THSD4: variants seen among roughly 807,000 people sequenced by gnomAD.
The protein encoded by THSD4 is thrombospondin type-1 domain-containing protein 4.
Under a neutral mutation model 119.0 loss-of-function variants are expected in THSD4, and 69 were observed. The observed-to-expected ratio is 0.58, with a 90% CI of 0.48 to 0.71. The LOEUF (loss-of-function observed/expected upper bound fraction) is 0.71, where lower values mean the gene tolerates loss of function less well. Among genes scored for constraint, THSD4 ranks in the 30% least tolerant of loss-of-function variants. The probability of loss-of-function intolerance (pLI) is 0.00; values close to 1 mark genes in which losing one functional copy is unlikely to be tolerated. For missense variants in THSD4, 1,393 were observed against 1,391.1 expected (o/e 1.00, Z -0.02); for synonymous variants, 524 against 540.4 (o/e 0.97, Z 0.42).
chr15:71,308,937 T>C (rs2045072354), intron 6 of THSD4, among the ~76,000 whole-genome samples: 1 of 152,158 alleles, frequency 6.6e-6, no homozygotes, highest in African/African-American at 2.4e-5. Context: ...GTCATCCTAG[T>C]GGGGAGTGAA....
chr15:71,643,762 G>T (rs1370948284), intron 7 of THSD4, among the ~76,000 whole-genome samples: 1 of 152,168 alleles, frequency 6.6e-6, no homozygotes, highest in East Asian at 1.9e-4. Flanking sequence ...TATGGAAAAT[G>T]ATTTGGATGC....
At chr15:71,112,013 G>T (rs1472918225), upstream of THSD4, 3 of 1,242,252 alleles carry the variant, frequency 2.4e-6, no homozygotes, top group Non-Finnish European at 3.3e-6. Context: ...CCCCCCAAAG[G>T]GTCCAGCTGT....
At chr15:71,715,546 T>C (rs1002461933) in intron 8 of THSD4, among the ~76,000 whole-genome samples, 3 of 152,226 alleles carry the variant, frequency 2.0e-5, no homozygotes, top group Non-Finnish European at 4.4e-5. Flanking sequence ...TTTATATTTT[T>C]TTTAATGAGA....
chr15:71,765,735 C>G (rs1595930439), intron 16 of THSD4, among the ~76,000 whole-genome samples: 1 of 152,120 alleles, frequency 6.6e-6, no homozygotes, highest in East Asian at 1.9e-4. Flanking sequence ...GAACCCATCT[C>G]TGAAAAACAT....
intron 6 of THSD4, among the ~76,000 whole-genome samples, chr15:71,397,323 T>C (rs1015667057): frequency 1.3e-5 from 2 of 152,212 alleles, no homozygotes; most frequent in African/African-American, 4.8e-5. Flanking sequence ...ATACCTGTCT[T>C]CCCCATGAAA....
intron 6 of THSD4, among the ~76,000 whole-genome samples, chr15:71,360,135 G>A (rs956372421): frequency 3.9e-5 from 6 of 152,170 alleles, no homozygotes; most frequent in Non-Finnish European, 5.9e-5. Context: ...TATCTGGCAC[G>A]TGGGGAAGAG....
intron 8 of THSD4, among the ~76,000 whole-genome samples, chr15:71,715,808 C>T (rs552667027): frequency 2.0e-5 from 3 of 149,578 alleles, no homozygotes; most frequent in Non-Finnish European, 3.0e-5. Flanking sequence ...TAGGATAGGT[C>T]TATTTAACAC....
chr15:71,580,223 A>C (rs2049532701), intron 7 of THSD4, among the ~76,000 whole-genome samples: 1 of 152,094 alleles, frequency 6.6e-6, no homozygotes, highest in African/African-American at 2.4e-5. Context: ...AGAGATATGG[A>C]GAGATGTAGG....
intron 6 of THSD4, among the ~76,000 whole-genome samples, chr15:71,369,640 T>C (rs2046015624): frequency 6.6e-6 from 1 of 152,200 alleles, no homozygotes; most frequent in African/African-American, 2.4e-5. Flanking sequence ...GCCCACTTGA[T>C]CATGGTGGAT....
At chr15:71,452,649 C>T (rs1348160376) in intron 7 of THSD4, among the ~76,000 whole-genome samples, 1 of 151,702 alleles carries the variant, frequency 6.6e-6, no homozygotes, top group Non-Finnish European at 1.5e-5. Flanking sequence ...GAGTTTTGCT[C>T]TTGTCGCTCA....
At chr15:71,248,081 A>G (rs1027286809) in intron 5 of THSD4, among the ~76,000 whole-genome samples, 19 of 152,162 alleles carry the variant, frequency 1.2e-4, no homozygotes, top group African/African-American at 4.6e-4. Context: ...GGAGTTCAAG[A>G]CCAGCCTGGG....
intron 6 of THSD4, among the ~76,000 whole-genome samples, chr15:71,307,042 T>G (rs757536098): frequency 6.6e-6 from 1 of 152,206 alleles, no homozygotes; most frequent in African/African-American, 2.4e-5. Context: ...CCTCAAGCCA[T>G]ACTCTTGGGG....
chr15:71,239,549 T>A (rs1398875148), intron 4 of THSD4, among the ~76,000 whole-genome samples: 4 of 152,202 alleles, frequency 2.6e-5, no homozygotes, highest in Non-Finnish European at 5.9e-5. Flanking sequence ...CTGTGCCTTT[T>A]CCATTTCTTT....
At chr15:71,229,729 C>T (rs1343888805) in intron 4 of THSD4, among the ~76,000 whole-genome samples, 1 of 152,128 alleles carries the variant, frequency 6.6e-6, no homozygotes, top group Non-Finnish European at 1.5e-5. Context: ...AGAGATCTCT[C>T]CTGGCTTTAA....
At chr15:71,211,312 T>C (rs2043886708) in intron 3 of THSD4, among the ~76,000 whole-genome samples, 1 of 152,192 alleles carries the variant, frequency 6.6e-6, no homozygotes, top group African/African-American at 2.4e-5. Context: ...AGGAATTTAT[T>C]TCTCATAGTT....
intron 15 of THSD4, among the ~76,000 whole-genome samples, chr15:71,758,768 A>G (rs935467560): frequency 2.6e-5 from 4 of 152,208 alleles, no homozygotes; most frequent in South Asian, 2.1e-4. Context: ...TGATTTACAC[A>G]TTATCAAGAC....
At chr15:71,682,684 T>C (rs537660746) in intron 8 of THSD4, among the ~76,000 whole-genome samples, 2 of 152,048 alleles carry the variant, frequency 1.3e-5, no homozygotes, top group Middle Eastern at 3.4e-3. Flanking sequence ...ATTTGTTGAG[T>C]GGTTCATTTA....
intron 6 of THSD4, among the ~76,000 whole-genome samples, chr15:71,389,280 T>A (rs902746221): frequency 3.9e-5 from 6 of 152,042 alleles, no homozygotes; most frequent in Admixed American, 6.5e-5. Flanking sequence ...ACACAGAAAC[T>A]CCCCATTTCC....
intron 11 of THSD4, among the ~76,000 whole-genome samples, chr15:71,743,990 G>A (rs1278053335): frequency 6.6e-6 from 1 of 152,174 alleles, no homozygotes; most frequent in Non-Finnish European, 1.5e-5. Flanking sequence ...TTGTATACTG[G>A]CCTGGACTGT....
Sources: allele counts gnomAD v4.1 joint callset (sites outside exome capture counted in the v4.1 genomes callset), GRCh38; gene constraint gnomAD v4.1.1; transcripts MANE v1.5; gene names NCBI Gene and HGNC (gene_info 2026-07-23, HGNC 2026-07-21).